Variants in ASAP1 observed in about 807,000 individuals in gnomAD.
The protein encoded by ASAP1 is ArfGAP with SH3 domain, ankyrin repeat and PH domain 1.
A neutral mutation model predicts 145.2 loss-of-function variants in ASAP1; 43 were observed. The ratio of observed to expected loss-of-function variants is 0.30; its 90% CI spans 0.23 to 0.38. ASAP1 has a LOEUF of 0.38. Ranked by LOEUF, ASAP1 falls within the 10% of genes least tolerant of loss-of-function variation. The probability of loss-of-function intolerance (pLI) is 1.00; values close to 1 mark genes in which losing one functional copy is unlikely to be tolerated. For missense variants in ASAP1, 1,018 were observed against 1,355.3 expected (o/e 0.75, Z 3.91); for synonymous variants, 546 against 515.5 (o/e 1.06, Z -0.80).
At chr8:130,330,544 T>G (rs1824620749) in intron 3 of ASAP1, among the ~76,000 whole-genome samples, 1 of 152,262 alleles carries the variant, frequency 6.6e-6, no homozygotes, top group Non-Finnish European at 1.5e-5. Flanking sequence ...CTCAGTCATC[T>G]ACCAAAAACC....
intron 24 of ASAP1, among the ~76,000 whole-genome samples, chr8:130,095,762 G>A (rs2097516262): frequency 6.6e-6 from 1 of 151,230 alleles, no homozygotes; most frequent in Middle Eastern, 3.5e-3. Context: ...GGGACTACAG[G>A]TGCACGCCGC....
intron 3 of ASAP1, among the ~76,000 whole-genome samples, chr8:130,272,455 T>C (rs910052132): frequency 6.6e-6 from 1 of 152,112 alleles, no homozygotes; most frequent in Non-Finnish European, 1.5e-5. Context: ...AAAACTAAAA[T>C]AGATTCATCA....
At chr8:130,314,547 G>C (rs1209976100) in intron 3 of ASAP1, among the ~76,000 whole-genome samples, 8 of 152,190 alleles carry the variant, frequency 5.3e-5, no homozygotes, top group Non-Finnish European at 1.5e-5. Context: ...CTGTATCAAG[G>C]ATAACAGAGT....
chr8:130,289,456 C>A (rs1821821047), intron 3 of ASAP1, among the ~76,000 whole-genome samples: 2 of 152,106 alleles, frequency 1.3e-5, no homozygotes, highest in Non-Finnish European at 2.9e-5. Context: ...ATTCAAAGGG[C>A]ACAAGAATAT....
intron 3 of ASAP1, among the ~76,000 whole-genome samples, chr8:130,327,870 T>C (rs989005410): frequency 6.6e-6 from 1 of 152,202 alleles, no homozygotes; most frequent in African/African-American, 2.4e-5. Flanking sequence ...ATACTTCAAA[T>C]GGATGAAGTA....
chr8:130,416,514 C>T (rs1176510128), intron 1 of ASAP1, among the ~76,000 whole-genome samples: 1 of 152,210 alleles, frequency 6.6e-6, no homozygotes, highest in Non-Finnish European at 1.5e-5. Context: ...GGATGTCCTG[C>T]AAGTCACTTG....
At chr8:130,261,689 G>C (rs1316723063) in intron 3 of ASAP1, among the ~76,000 whole-genome samples, 1 of 152,120 alleles carries the variant, frequency 6.6e-6, no homozygotes, top group Non-Finnish European at 1.5e-5. Context: ...TCAACAGAGA[G>C]TAAGAACTCT....
chr8:130,409,360 G>C (rs533176526), intron 1 of ASAP1, among the ~76,000 whole-genome samples: 36 of 152,232 alleles, frequency 2.4e-4, no homozygotes, highest in African/African-American at 8.7e-4. Flanking sequence ...TAATCGCTAG[G>C]TCTTTCAGTT....
chr8:130,284,841 C>A (rs540197841), intron 3 of ASAP1, among the ~76,000 whole-genome samples: 1 of 87,330 alleles, frequency 1.1e-5, no homozygotes, highest in African/African-American at 5.2e-5. Flanking sequence ...CTTTTACACT[C>A]TACACACACA....
At chr8:130,122,568 C>T (rs2097568202) in intron 18 of ASAP1, among the ~76,000 whole-genome samples, 1 of 152,208 alleles carries the variant, frequency 6.6e-6, no homozygotes, top group Non-Finnish European at 1.5e-5. Context: ...TTAATTGTCA[C>T]CACAACCCTA....
At chr8:130,121,784 C>CAAAAAAAAAAAAAAAAA (rs56996962) in intron 18 of ASAP1, among the ~76,000 whole-genome samples, 3 of 25,408 alleles carry the variant, frequency 1.2e-4, no homozygotes, top group African/African-American at 2.6e-4. Context: ...AATTCCATCT[C>CAAAAAAAAAAAAAAAAA]AAAAAAAAAA....
chr8:130,077,912 C>T (rs1174286604), intron 26 of ASAP1, among the ~76,000 whole-genome samples: 1 of 152,056 alleles, frequency 6.6e-6, no homozygotes, highest in South Asian at 2.1e-4. Flanking sequence ...TTGAAAGAGA[C>T]TCCATCTCAA....
intron 3 of ASAP1, among the ~76,000 whole-genome samples, chr8:130,251,172 C>T (rs1176150011): frequency 2.0e-5 from 3 of 152,176 alleles, no homozygotes; most frequent in African/African-American, 7.2e-5. Context: ...AATCTCAGCT[C>T]TCTGGGAGGC....
chr8:130,160,578 C>T (rs2097667106), intron 11 of ASAP1, among the ~76,000 whole-genome samples: 3 of 151,986 alleles, frequency 2.0e-5, no homozygotes, highest in Non-Finnish European at 4.4e-5. Flanking sequence ...AAGGGCCAAA[C>T]CAACAACATA....
intron 2 of ASAP1, among the ~76,000 whole-genome samples, chr8:130,375,016 G>T (rs977424777): frequency 1.3e-5 from 2 of 152,086 alleles, no homozygotes; most frequent in Admixed American, 6.5e-5. Context: ...AGCCTAACTG[G>T]ACTCATCACT....
chr8:130,071,020 G>C (rs1459269136), intron 27 of ASAP1, among the ~76,000 whole-genome samples: 5 of 112,970 alleles, frequency 4.4e-5, no homozygotes, highest in African/African-American at 1.8e-4. Context: ...GGGAGAGAGA[G>C]AGAGAGAGAG....
chr8:130,303,124 T>C (rs1822780103), intron 3 of ASAP1, among the ~76,000 whole-genome samples: 1 of 152,208 alleles, frequency 6.6e-6, no homozygotes, highest in African/African-American at 2.4e-5. Context: ...GCTCCAGGTC[T>C]GAATCCTGGC....
intron 3 of ASAP1, among the ~76,000 whole-genome samples, chr8:130,242,250 A>C (rs1373299010): frequency 3.6e-5 from 5 of 137,360 alleles, no homozygotes; most frequent in Non-Finnish European, 3.1e-5. Flanking sequence ...CCTATACCAA[A>C]GTGATTTCCT....
intron 2 of ASAP1, among the ~76,000 whole-genome samples, chr8:130,386,384 G>C (rs543618522): frequency 6.6e-6 from 1 of 152,284 alleles, no homozygotes; most frequent in South Asian, 2.1e-4. Flanking sequence ...GAGGTAACAC[G>C]TTCCATTGCC....
Sources: gnomAD v4.1 joint callset for allele counts (sites outside exome capture counted in the v4.1 genomes callset) on GRCh38, gnomAD v4.1.1 for gene constraint, MANE v1.5 for transcripts, NCBI Gene and HGNC (gene_info 2026-07-23, HGNC 2026-07-21) for gene names.